Variants in CNTNAP2 observed in about 807,000 individuals in gnomAD.
CNTNAP2 encodes the protein contactin associated protein 2.
A neutral mutation model predicts 155.2 loss-of-function variants in CNTNAP2; 98 were observed. The ratio of observed to expected loss-of-function variants is 0.63; its 90% confidence interval spans 0.54 to 0.75. The LOEUF (loss-of-function observed/expected upper bound fraction) is 0.75. Ranked by LOEUF, CNTNAP2 falls within the 30% of genes least tolerant of loss-of-function variation. The probability of loss-of-function intolerance (pLI) is 0.00; values close to 1 mark genes in which losing one functional copy is unlikely to be tolerated. For missense variants in CNTNAP2, 1,727 were observed against 1,688.1 expected, an observed-to-expected ratio of 1.02 and a Z score of -0.40; for synonymous variants, 651 against 631.2, an observed-to-expected ratio of 1.03 and a Z score of -0.47.
chr7:146,566,920 C>T (rs1179530562), intron 1 of CNTNAP2, among the ~76,000 whole-genome samples: 1 of 151,998 alleles, frequency 6.6e-6, no homozygotes, highest in Non-Finnish European at 1.5e-5. Flanking sequence ...CACATACATA[C>T]CTCATTGTAT....
At chr7:146,391,069 A>AT (rs1158768061) in intron 1 of CNTNAP2, among the ~76,000 whole-genome samples, 1 of 148,020 alleles carries the variant, frequency 6.8e-6, no homozygotes, top group African/African-American at 2.5e-5. Flanking sequence ...CTGTCTAAAA[A>AT]ATATATATAT....
chr7:148,263,736 CA>C (rs112362809), intron 20 of CNTNAP2, among the ~76,000 whole-genome samples: 1,614 of 108,042 alleles, frequency 0.015, 12 homozygotes, highest in African/African-American at 0.037. Flanking sequence ...GACTCAGTCC[CA>C]AAAAAAAAAA....
chr7:146,129,340 A>T (rs1469647748), intron 1 of CNTNAP2, among the ~76,000 whole-genome samples: 3 of 152,268 alleles, frequency 2.0e-5, no homozygotes, highest in African/African-American at 7.2e-5. Context: ...AAGCTTTTAG[A>T]TCTGCTATTT....
At chr7:147,409,067 T>C (rs970631894) in intron 10 of CNTNAP2, among the ~76,000 whole-genome samples, 1 of 152,222 alleles carries the variant, frequency 6.6e-6, no homozygotes, top group Admixed American at 6.5e-5. Context: ...AAGATTGTTA[T>C]ATTCACTAGT....
intron 4 of CNTNAP2, among the ~76,000 whole-genome samples, chr7:147,050,510 G>A (rs1195402933): frequency 6.6e-6 from 1 of 152,152 alleles, no homozygotes; most frequent in African/African-American, 2.4e-5. Flanking sequence ...ATGGAAAACT[G>A]TCTTGCTGCC....
chr7:146,412,826 G>T (rs1329933861), intron 1 of CNTNAP2, among the ~76,000 whole-genome samples: 2 of 152,170 alleles, frequency 1.3e-5, no homozygotes, highest in African/African-American at 4.8e-5. Context: ...AAATTTGAAA[G>T]CTTTAATATG....
chr7:148,394,856 T>C (rs180787940), intron 22 of CNTNAP2, among the ~76,000 whole-genome samples: 13 of 152,288 alleles, frequency 8.5e-5, no homozygotes, highest in Non-Finnish European at 1.6e-4. Context: ...GTAGATTTCA[T>C]AGGTTTCCCC....
At chr7:147,833,030 A>G (rs1002741546) in intron 13 of CNTNAP2, among the ~76,000 whole-genome samples, 3 of 150,992 alleles carry the variant, frequency 2.0e-5, no homozygotes. Context: ...TAATTTAAAA[A>G]TTTATAATCA....
intron 8 of CNTNAP2, among the ~76,000 whole-genome samples, chr7:147,191,868 A>G (rs1309068063): frequency 1.3e-5 from 2 of 152,224 alleles, no homozygotes; most frequent in African/African-American, 2.4e-5. Flanking sequence ...TAACAAGAGC[A>G]TGGGCAACTC....
In CNTNAP2 at chr7:148,376,052, T is replaced by A. The variant is rs1798978085; in HGVS notation, c.3476-7597T>A. On this transcript the variant is annotated intron_variant, in intron 21 of 23. Transcript: ENST00000361727. ...AGTGACAATTTCAACCTATTTAGTA[T>A]CCCCAAAAGCTCAGGAGCTGTGATA... 3.1e-5 allele frequency among the ~76,000 whole-genome samples: 2 copies of A among 64,830 alleles called. 1 individual carries two copies. Among genetic ancestry groups the A allele is most frequent in the African/African-American group, 7.5e-5 (2 of 26,546 alleles). 42.5% of individuals were successfully genotyped at this position (64,830 alleles called of 152,430 possible).
At chr7:147,580,073 T>G (rs776086832) in intron 12 of CNTNAP2, among the ~76,000 whole-genome samples, 12 of 152,244 alleles carry the variant, frequency 7.9e-5, no homozygotes, top group Non-Finnish European at 1.6e-4. Flanking sequence ...TGGATTCTAA[T>G]GAGTTATTTG....
chr7:147,328,477 C>T (rs750884312), intron 9 of CNTNAP2, among the ~76,000 whole-genome samples: 3 of 152,198 alleles, frequency 2.0e-5, no homozygotes, highest in Non-Finnish European at 2.9e-5. Flanking sequence ...TCCTCAGCCA[C>T]ATGTGTGCAA....
chr7:146,720,077 G>GA (rs1242957236), intron 1 of CNTNAP2, among the ~76,000 whole-genome samples: 1 of 151,988 alleles, frequency 6.6e-6, no homozygotes, highest in Admixed American at 6.6e-5. Context: ...TGCTTATAAA[G>GA]GAAAGAAAAT....
Position 146,948,883 on chromosome 7 carries a change from T to C in CNTNAP2, c.403-95024T>C, listed in dbSNP as rs546993420. ...ATGCAACCTCACACTGTGTAATTCA[T>C]GTAGCAATGCTGTATAGACTGGCAG... On this transcript the variant is annotated intron_variant, in intron 3 of 23. Coordinates refer to ENST00000361727, the MANE Select transcript of CNTNAP2 (RefSeq NM_014141.6). 6.6e-4 allele frequency among the ~76,000 whole-genome samples: 101 copies of C among 152,274 alleles called. 1 individual carries two copies. Among genetic ancestry groups the C allele is most frequent in the African/African-American group, 2.2e-3 (91 of 41,554 alleles).
chr7:146,552,655 T>A (rs572898958), intron 1 of CNTNAP2, among the ~76,000 whole-genome samples: 2 of 152,064 alleles, frequency 1.3e-5, no homozygotes, highest in African/African-American at 4.8e-5. Flanking sequence ...TCTCTTAGAG[T>A]TAAAATCAAA....
intron 19 of CNTNAP2, among the ~76,000 whole-genome samples, chr7:148,225,278 A>C (rs912329901): frequency 6.6e-6 from 1 of 152,136 alleles, no homozygotes; most frequent in Non-Finnish European, 1.5e-5. Flanking sequence ...GGCCAAGGGG[A>C]AGGAGAGGGT....
intron 1 of CNTNAP2, among the ~76,000 whole-genome samples, chr7:146,501,428 T>C (rs766712611): frequency 4.6e-5 from 7 of 152,192 alleles, no homozygotes; most frequent in Non-Finnish European, 1.0e-4. Context: ...ACCTTTCTTC[T>C]TGAGGCAGTT....
At chr7:147,442,130 G>C (rs1450715806) in intron 10 of CNTNAP2, among the ~76,000 whole-genome samples, 1 of 152,120 alleles carries the variant, frequency 6.6e-6, no homozygotes, top group African/African-American at 2.4e-5. Context: ...GTTCAGATGT[G>C]CTGTCTGTGA....
intron 14 of CNTNAP2, among the ~76,000 whole-genome samples, chr7:147,929,094 A>C (rs1339419283): frequency 2.2e-5 from 3 of 134,754 alleles, no homozygotes; most frequent in African/African-American, 9.9e-5. Context: ...CTCCATCCCA[A>C]AAAAAAAAAA....
Sources: allele counts gnomAD v4.1 joint callset (sites outside exome capture counted in the v4.1 genomes callset), GRCh38; gene constraint gnomAD v4.1.1; transcripts MANE v1.5; gene names NCBI Gene and HGNC (gene_info 2026-07-23, HGNC 2026-07-21).